PFKFB3: variants seen among roughly 807,000 people sequenced by gnomAD.
PFKFB3 encodes 6-phosphofructo-2-kinase/fructose-2,6-bisphosphatase 3.
In PFKFB3, 33 loss-of-function variants were observed where a neutral mutation model predicts 68.0. That is an observed-to-expected ratio of 0.49 (90% confidence interval 0.37 to 0.65). The LOEUF is 0.65. PFKFB3 is among the 30% of genes least tolerant of loss of function. The pLI, the probability that PFKFB3 is intolerant of heterozygous loss-of-function variation, is 0.00. For missense variants in PFKFB3, 586 were observed against 712.2 expected (o/e 0.82, Z 2.02); for synonymous variants, 315 against 288.2 (o/e 1.09, Z -0.94).
In PFKFB3 at chr10:6,234,167, G is replaced by T. The variant is rs927439735; in HGVS notation, c.*1225G>T. 3 of 152,556 alleles carry T rather than the reference G, an allele frequency of 2.0e-5. No individual in the cohort carries two copies. Among genetic ancestry groups the T allele is most frequent in the African/African-American group, 4.8e-5 (2 of 41,574 alleles). 9.5% of individuals were successfully genotyped at this position (152,556 alleles called of 1,614,324 possible). The stretch of plus-strand genomic sequence containing the variant: ...AAACCCTGGGGTAGGTGGGACGGGG[G>T]GTCTCGTGCCCAGATGAAACCATTT... On this transcript the variant is annotated 3_prime_UTR_variant, in exon 15 of 15. Transcript: ENST00000379775.
the PFKFB3 span, among the ~76,000 whole-genome samples, chr10:6,292,938 A>G: frequency 1.1e-3 from 165 of 152,354 alleles, 1 homozygote; most frequent in Non-Finnish European, 8.8e-5. Context: ...ACAGGTTATC[A>G]GATGAAACAG....
chr10:6,218,403 A>ATTT (rs869207072), intron 6 of PFKFB3, among the ~76,000 whole-genome samples: 7 of 124,574 alleles, frequency 5.6e-5, no homozygotes, highest in African/African-American at 2.2e-4. Context: ...CATCTTAATC[A>ATTT]TTTTTATTAT....
intron 1 of PFKFB3, among the ~76,000 whole-genome samples, chr10:6,148,264 C>T (rs917173495): frequency 2.0e-5 from 3 of 152,050 alleles, no homozygotes; most frequent in East Asian, 3.9e-4. Flanking sequence ...TGGTTGACCT[C>T]CTGGACTGTC....
intron 1 of PFKFB3, among the ~76,000 whole-genome samples, chr10:6,145,982 A>AG (rs778825986): frequency 1.3e-5 from 2 of 151,980 alleles, no homozygotes; most frequent in African/African-American, 2.4e-5. Context: ...AAGTGTGGGG[A>AG]GGGGGGCCTC....
intron 14 of PFKFB3, among the ~76,000 whole-genome samples, chr10:6,250,570 CAAAAA>C (rs34324800): frequency 1.6e-5 from 2 of 122,496 alleles, no homozygotes; most frequent in Admixed American, 8.0e-5. Context: ...GACTCGGTCT[CAAAAA>C]AAAAAAAAAA....
At chr10:6,262,022 A>AAC in the PFKFB3 span, among the ~76,000 whole-genome samples, 25 of 150,888 alleles carry the variant, frequency 1.7e-4, no homozygotes, top group African/African-American at 2.7e-4. Context: ...CAAAAAACAA[A>AAC]AAAAAAAACA....
At chr10:6,244,377 A>G (rs1435107700) in intron 14 of PFKFB3, among the ~76,000 whole-genome samples, 1 of 152,178 alleles carries the variant, frequency 6.6e-6, no homozygotes, top group East Asian at 1.9e-4. Flanking sequence ...AGTGAAGCCC[A>G]TGGGGAAGGG....
At chr10:6,322,968 G>A in the PFKFB3 span, among the ~76,000 whole-genome samples, 1 of 152,150 alleles carries the variant, frequency 6.6e-6, no homozygotes, top group Admixed American at 6.5e-5. Context: ...CAGGTTCACT[G>A]TTGCATCCCC....
At chr10:6,293,685 G>A in the PFKFB3 span, 1 of 311,950 alleles carries the variant, frequency 3.2e-6, no homozygotes, top group East Asian at 8.0e-5. Flanking sequence ...CATGTCCAGT[G>A]CTATCCTTAT....
rs1307659692 is a variant in PFKFB3 at position 6,229,157 on chromosome 10, T to C, written c.1515+2792T>C. 1.9e-6 allele frequency: 1 copy of C among 529,570 alleles called. No homozygotes were observed. The highest frequency in any genetic ancestry group is 1.9e-5 in the African/African-American group (1 of 51,844). 32.8% of individuals were successfully genotyped at this position (529,570 alleles called of 1,614,324 possible). A position where few individuals can be genotyped will look rare whatever the true frequency, so the allele number is the denominator to read the frequency against. ...ATGCAGCCTGAGATGCTGAAAAGAATGACTGGCTTTGGAAATGGGAGAGGT... is the reference window on the plus strand; with the variant it reads ...ATGCAGCCTGAGATGCTGAAAAGAACGACTGGCTTTGGAAATGGGAGAGGT... On this transcript the variant is annotated intron_variant, in intron 14 of 14. Coordinates refer to ENST00000379775, the MANE Select transcript of PFKFB3 (RefSeq NM_004566.4). This position sits in a 1 kb window ranked among gnomAD's most constrained non-coding sequence, Gnocchi z 4.3.
intron 13 of PFKFB3, among the ~76,000 whole-genome samples, chr10:6,225,973 G>A (rs1447010351): frequency 2.0e-5 from 3 of 152,190 alleles, no homozygotes; most frequent in African/African-American, 4.8e-5. Context: ...GGTACCATCC[G>A]AGGAAGGGGG....
the PFKFB3 span, among the ~76,000 whole-genome samples, chr10:6,262,257 A>T: frequency 2.0e-5 from 3 of 151,694 alleles, no homozygotes; most frequent in East Asian, 5.8e-4. Context: ...GATCGAGACC[A>T]TCCTGGCTAA....
intron 14 of PFKFB3, among the ~76,000 whole-genome samples, chr10:6,248,888 C>T (rs1846317154): frequency 6.6e-6 from 1 of 151,702 alleles, no homozygotes; most frequent in Admixed American, 6.6e-5. Flanking sequence ...AAAGGAAACC[C>T]TTAGGTCGGG....
chr10:6,169,536 T>C (rs1239951645), intron 1 of PFKFB3, among the ~76,000 whole-genome samples: 2 of 152,124 alleles, frequency 1.3e-5, no homozygotes, highest in African/African-American at 4.8e-5. Flanking sequence ...ATTGTGTCTG[T>C]TCCCCAGGCC....
intron 1 of PFKFB3, among the ~76,000 whole-genome samples, chr10:6,189,950 T>C (rs1471713580): frequency 1.3e-5 from 2 of 152,136 alleles, no homozygotes; most frequent in Admixed American, 1.3e-4. Context: ...TCTGTTTTTA[T>C]TTTTTATTTT....
At chr10:6,237,181 A>G (rs534702074), downstream of PFKFB3, among the ~76,000 whole-genome samples, 1 of 152,338 alleles carries the variant, frequency 6.6e-6, no homozygotes, top group South Asian at 2.1e-4. Flanking sequence ...AGCCTATGCC[A>G]AAAAGGCCTC....
rs186661031 is a variant in PFKFB3 at position 6,158,013 on chromosome 10, C to T, written c.16+13000C>T. On this transcript the variant is annotated intron_variant, in intron 1 of 14. Transcript: ENST00000379789. ...AAAAGTCAGGCAGTGTGGCTGGGCG[C>T]GGTGGTTCATGCCTGTAATCCCAGC... Among the ~76,000 whole-genome samples the T allele has an allele frequency of 4.0e-5, 6 of 150,970 alleles. No individual in the cohort carries two copies. The East Asian group carries it at 9.8e-4, about 25-fold the overall frequency.
At chr10:6,230,919 T>A (rs753254074) in intron 14 of PFKFB3, among the ~76,000 whole-genome samples, 1 of 152,204 alleles carries the variant, frequency 6.6e-6, no homozygotes, top group Non-Finnish European at 1.5e-5. Flanking sequence ...TTTCACCATG[T>A]TGGCCAGGCT....
At chr10:6,223,706 T>A (rs56783710) in intron 11 of PFKFB3, among the ~76,000 whole-genome samples, 491 of 152,268 alleles carry the variant, frequency 3.2e-3, no homozygotes, top group African/African-American at 0.011. Flanking sequence ...AACCTCCACC[T>A]CCCAGGTTCA....
Sources: gnomAD v4.1 joint callset for allele counts (sites outside exome capture counted in the v4.1 genomes callset) on GRCh38, gnomAD v4.1.1 for gene constraint, Gnocchi (gnomAD v3.1) non-coding constraint, MANE v1.5 for transcripts, NCBI Gene and HGNC (gene_info 2026-07-23, HGNC 2026-07-21) for gene names.